Variants in SGCZ observed in about 807,000 individuals in gnomAD.
SGCZ encodes sarcoglycan zeta, also known as zeta-sarcoglycan.
SGCZ carries 40 observed loss-of-function variants against 41.3 expected under a neutral mutation model. The ratio of observed to expected loss-of-function variants is 0.97; its 90% CI spans 0.75 to 1.26. The LOEUF (loss-of-function observed/expected upper bound fraction) is 1.26. Among genes scored for constraint, SGCZ ranks in the 50% most tolerant of loss-of-function variants. The probability of loss-of-function intolerance (pLI) is 0.00; values close to 1 mark genes in which losing one functional copy is unlikely to be tolerated. For missense variants in SGCZ, 552 were observed against 369.8 expected, an observed-to-expected ratio of 1.49 and a Z score of -4.04; for synonymous variants, 206 against 137.5, an observed-to-expected ratio of 1.50 and a Z score of -3.49.
chr8:14,734,333 A>T (rs1334978117), intron 1 of SGCZ, among the ~76,000 whole-genome samples: 1 of 152,224 alleles, frequency 6.6e-6, no homozygotes, highest in South Asian at 2.1e-4. Context: ...TCATTGAATA[A>T]TAAATGGTAA....
At chr8:15,165,120 T>G (rs1799624293) in intron 1 of SGCZ, among the ~76,000 whole-genome samples, 2 of 152,052 alleles carry the variant, frequency 1.3e-5, no homozygotes, top group South Asian at 4.1e-4. Context: ...TGAAACCCTG[T>G]CTCTAATAAA....
chr8:15,064,266 A>G (rs1487583048), intron 1 of SGCZ, among the ~76,000 whole-genome samples: 3 of 152,152 alleles, frequency 2.0e-5, no homozygotes, highest in African/African-American at 7.2e-5. Context: ...ATGAAGCAGA[A>G]TTCATCACTT....
At chr8:15,119,785 C>G (rs930902788) in intron 1 of SGCZ, among the ~76,000 whole-genome samples, 1 of 152,138 alleles carries the variant, frequency 6.6e-6, no homozygotes, top group Non-Finnish European at 1.5e-5. Context: ...TTCTCTCCAT[C>G]TGGCCCTAAC....
intron 2 of SGCZ, among the ~76,000 whole-genome samples, chr8:14,362,036 G>C (rs1803534297): frequency 6.6e-6 from 1 of 152,130 alleles, no homozygotes; most frequent in African/African-American, 2.4e-5. Context: ...AAATATTGCT[G>C]CCTGATCCTT....
chr8:15,125,145 C>T (rs903289729), intron 1 of SGCZ, among the ~76,000 whole-genome samples: 1 of 152,080 alleles, frequency 6.6e-6, no homozygotes, highest in East Asian at 1.9e-4. Flanking sequence ...CCCCTAATTA[C>T]TTCTTTAAAA....
chr8:14,985,101 G>T (rs990159137), intron 1 of SGCZ, among the ~76,000 whole-genome samples: 2 of 152,096 alleles, frequency 1.3e-5, no homozygotes, highest in South Asian at 2.1e-4. Flanking sequence ...AAATACGAAA[G>T]AATGACATAA....
chr8:14,245,109 G>A (rs1799038251), intron 3 of SGCZ, among the ~76,000 whole-genome samples: 1 of 152,094 alleles, frequency 6.6e-6, no homozygotes, highest in Non-Finnish European at 1.5e-5. Flanking sequence ...TAATTGCCCT[G>A]GCCAGAACTT....
At chr8:14,098,202 TTG>T (rs1483918626) in intron 7 of SGCZ, among the ~76,000 whole-genome samples, 1 of 152,166 alleles carries the variant, frequency 6.6e-6, no homozygotes, top group Non-Finnish European at 1.5e-5. Context: ...TGATTACAGC[TTG>T]TGTTTATTGA....
chr8:15,226,126 T>C (rs1368075897), intron 1 of SGCZ, among the ~76,000 whole-genome samples: 2 of 152,198 alleles, frequency 1.3e-5, no homozygotes, highest in South Asian at 2.1e-4. Context: ...AGTACTAATA[T>C]GCAGCTCAGA....
chr8:14,696,099 TG>T (rs2117583811), intron 1 of SGCZ, among the ~76,000 whole-genome samples: 1 of 152,264 alleles, frequency 6.6e-6, no homozygotes, highest in East Asian at 1.9e-4. Flanking sequence ...GTATTTCGGT[TG>T]CTTTTTTTCA....
At chr8:15,141,681 A>T (rs1808326510) in intron 1 of SGCZ, among the ~76,000 whole-genome samples, 1 of 152,148 alleles carries the variant, frequency 6.6e-6, no homozygotes, top group Admixed American at 6.5e-5. Context: ...AGGCGGGAGG[A>T]TCACGAGGTC....
In SGCZ at chr8:14,164,685, C is replaced by T. The variant is rs778712351; in HGVS notation, c.442G>A (p.Ala148Thr). 3.1e-6 allele frequency: 5 copies of T among 1,613,518 alleles called. No individual in the cohort carries two copies. The South Asian group carries it at 3.3e-5, about 11-fold the overall frequency. ...QLTIGADAVE[A>T]QCKRFEVRAS... is the part of the protein sequence containing the mutation. Reference sequence around the variant, plus strand: ...CTCACTTCAAATCTTTTACACTGAGCTTCCACAGCATCAGCTCCTATGGTC... The same window carrying T: ...CTCACTTCAAATCTTTTACACTGAGTTTCCACAGCATCAGCTCCTATGGTC... Residue 148 changes from alanine (A) to threonine (T), a missense_variant, in exon 5 of 8, where the codon GCT becomes ACT. By Grantham distance (58) the Ala-to-Thr change is moderately conservative (BLOSUM62 0). Coordinates refer to ENST00000382080, the MANE Select transcript of SGCZ (RefSeq NM_139167.4).
At chr8:15,018,036 C>T (rs1033914999) in intron 1 of SGCZ, among the ~76,000 whole-genome samples, 2 of 152,050 alleles carry the variant, frequency 1.3e-5, no homozygotes, top group Admixed American at 6.5e-5. Flanking sequence ...GGCTCAAAGT[C>T]AAAGCTGTAT....
At chr8:14,723,327 G>A (rs1176066484) in intron 1 of SGCZ, among the ~76,000 whole-genome samples, 1 of 152,212 alleles carries the variant, frequency 6.6e-6, no homozygotes, top group Non-Finnish European at 1.5e-5. Context: ...TCCTGGCCCT[G>A]AAAAGCTCTT....
intron 3 of SGCZ, among the ~76,000 whole-genome samples, chr8:14,279,222 G>C (rs1800340527): frequency 6.6e-6 from 1 of 151,760 alleles, no homozygotes; most frequent in Non-Finnish European, 1.5e-5. Flanking sequence ...GTTTACTTTT[G>C]GTTTTCTTTG....
intron 1 of SGCZ, among the ~76,000 whole-genome samples, chr8:15,142,494 G>C (rs1485395597): frequency 2.6e-5 from 4 of 152,060 alleles, no homozygotes; most frequent in Non-Finnish European, 4.4e-5. Flanking sequence ...CTAAAGTAGA[G>C]ACTGGGAGTC....
At chr8:14,402,249 T>G (rs1271383544) in intron 2 of SGCZ, among the ~76,000 whole-genome samples, 1 of 151,596 alleles carries the variant, frequency 6.6e-6, no homozygotes, top group Non-Finnish European at 1.5e-5. Flanking sequence ...GCCTGTTCAC[T>G]CTGATGGTAG....
chr8:14,870,679 T>C (rs1021768193), intron 1 of SGCZ, among the ~76,000 whole-genome samples: 1 of 151,862 alleles, frequency 6.6e-6, no homozygotes, highest in South Asian at 2.1e-4. Flanking sequence ...ATTTCTGTAA[T>C]CTATCCATCT....
chr8:15,157,609 G>C (rs1218492755), intron 1 of SGCZ, among the ~76,000 whole-genome samples: 1 of 152,120 alleles, frequency 6.6e-6, no homozygotes, highest in East Asian at 1.9e-4. Flanking sequence ...TAATGTCCTG[G>C]TTCTACTAGG....
Sources: gnomAD v4.1 joint callset for allele counts (sites outside exome capture counted in the v4.1 genomes callset) on GRCh38, gnomAD v4.1.1 for gene constraint, MANE v1.5 for transcripts, NCBI Gene and HGNC (gene_info 2026-07-23, HGNC 2026-07-21) for gene names.